The following EIF4G1 variants were observed in gnomAD, a reference collection of about 807,000 sequenced individuals.
EIF4G1 encodes EIF4-gamma.
In EIF4G1, 4 loss-of-function variants were observed where a neutral mutation model predicts 187.8. The ratio of observed to expected loss-of-function variants is 0.02; its 90% CI spans 0.01 to 0.05. The LOEUF (loss-of-function observed/expected upper bound fraction) is 0.05, where lower values mean the gene tolerates loss of function less well. Among genes scored for constraint, EIF4G1 ranks in the 10% least tolerant of loss-of-function variants. The pLI, the probability that EIF4G1 is intolerant of heterozygous loss-of-function variation, is 1.00. For missense variants in EIF4G1, 1,647 were observed against 2,081.1 expected (o/e 0.79, Z 4.06); for synonymous variants, 844 against 781.4 (o/e 1.08, Z -1.34).
chr3:184,321,065 G>A, intron 9 of EIF4G1, 72 bp downstream of exon 9: 2 of 1,571,748 alleles, frequency 1.3e-6, no homozygotes, highest in Non-Finnish European at 8.7e-7. Context: ...AGGTGGTGGA[G>A]TGACTTGAAC....
In EIF4G1 at chr3:184,322,705, G is replaced by A. The variant is rs749044426; in HGVS notation, c.1770G>A (p.Gly590=). ...ACAATGCTGAGAACATCCAGCCCGGGGAACAGAAGTATGAATATAAGTCAG... is the reference window on the plus strand; with the variant it reads ...ACAATGCTGAGAACATCCAGCCCGGAGAACAGAAGTATGAATATAAGTCAG... The part of the protein sequence containing the change: ...KIHNAENIQP[G]EQKYEYKSDQ... Residue 590 remains glycine (G), a synonymous_variant, in exon 12 of 33, where the codon GGG becomes GGA. Coordinates refer to ENST00000346169, the MANE Select transcript of EIF4G1 (RefSeq NM_198241.3). 3.7e-6 allele frequency: 6 copies of A among 1,614,060 alleles called. No homozygotes were observed. In the Admixed American group the frequency reaches 5.0e-5, roughly 13 times the overall value.
chr3:184,322,050 C>T lies in EIF4G1; in HGVS notation c.1466C>T (p.Thr489Ile), dbSNP rs1194227121. The change falls in exon 10 of 33, where the codon ACC (threonine) becomes ATC (isoleucine). Residue 489 changes from threonine (T) to isoleucine (I), a missense_variant. Transcript: ENST00000346169. ...GGEELLPPESTPIPANLSQNL... is the reference protein window; with the variant it reads ...GGEELLPPESIPIPANLSQNL... ...GAGGAACTGCTCCCCCCAGAGAGTACCCCTATTCCAGCCAACTTGTCTCAG... is the reference window on the plus strand; with the variant it reads ...GAGGAACTGCTCCCCCCAGAGAGTATCCCTATTCCAGCCAACTTGTCTCAG... 11 of 1,614,064 alleles carry T rather than the reference C, an allele frequency of 6.8e-6. No homozygotes were observed. Among genetic ancestry groups the T allele is most frequent in the Non-Finnish European group, 8.5e-6 (10 of 1,180,032 alleles).
intron 6 of EIF4G1, among the ~76,000 whole-genome samples, chr3:184,319,467 T>TGTTTG (rs1560209601): frequency 8.9e-5 from 1 of 11,264 alleles, no homozygotes; most frequent in Non-Finnish European, 1.7e-4. Context: ...GTGTGTGTGT[T>TGTTTG]TGTGTGTGTG....
rs777853448 is a variant in EIF4G1, at chr3:184,331,301, C to G, written c.4197C>G (p.Ala1399=). The change falls in exon 29 of 33, where the codon GCC becomes GCG. Residue 1399 remains alanine, a synonymous_variant. Coordinates refer to ENST00000346169, the MANE Select transcript of EIF4G1 (RefSeq NM_198241.3). ...AGGTGGGGACGCTGTGGCGAGAAGC[C>G]GGGCTTAGCTGGAAGGAATTTCTAC... ...PKKVGTLWRE[A]GLSWKEFLPE... 1.2e-6 allele frequency: 2 copies of G among 1,614,156 alleles called. No individual in the cohort carries two copies. Among genetic ancestry groups the G allele is most frequent in the Non-Finnish European group, 1.7e-6 (2 of 1,180,030 alleles).
Position 184,325,746 on chromosome 3 carries a change from C to A in EIF4G1, c.3122-105C>A. Reference sequence around the variant, plus strand: ...CCACGTGTCTGGGCCACTGAGACACCATGATGGAACTGAGGATCTGAGGAA... The same window carrying A: ...CCACGTGTCTGGGCCACTGAGACACAATGATGGAACTGAGGATCTGAGGAA... On this transcript the variant is annotated intron_variant, in intron 20 of 32. Transcript: ENST00000346169. This position sits in a 1 kb window ranked among gnomAD's most constrained non-coding sequence, Gnocchi z 5.2. 1 of 1,608,310 alleles carries A rather than the reference C, an allele frequency of 6.2e-7. No individual in the cohort carries two copies.
chr3:184,323,809 G>A lies in EIF4G1; in HGVS notation c.2304G>A (p.Leu768=), dbSNP rs1320274080. The stretch of plus-strand genomic sequence containing the variant: ...TATTCCGCAGGGTGCGCTCCATCCT[G>A]AATAAACTGACACCCCAGATGTTCC... The part of the protein sequence containing the change: ...QDLFRRVRSI[L]NKLTPQMFQQ... Residue 768 remains leucine, a synonymous_variant, in exon 16 of 33, where the codon CTG becomes CTA. Coordinates refer to ENST00000346169, the MANE Select transcript of EIF4G1 (RefSeq NM_198241.3). This position sits in a 1 kb window ranked among gnomAD's most constrained non-coding sequence, Gnocchi z 6.9. 1 of 1,614,124 alleles carries A rather than the reference G, an allele frequency of 6.2e-7. No homozygotes were observed. Among genetic ancestry groups the A allele is most frequent in the Non-Finnish European group, 8.5e-7 (1 of 1,180,046 alleles).
intron 10 of EIF4G1, 120 bp downstream of exon 10, chr3:184,322,223 AT>A: frequency 1.3e-6 from 2 of 1,561,780 alleles, no homozygotes; most frequent in Admixed American, 3.5e-5. Flanking sequence ...TAAGAACTAG[AT>A]TAAGGACTTT....
At chr3:184,320,421 G>T (rs1431490548) in intron 7 of EIF4G1, 1 of 1,472,936 alleles carries the variant, frequency 6.8e-7, no homozygotes, top group Non-Finnish European at 9.0e-7. Flanking sequence ...GCTGCTCTGT[G>T]AGATCAAGGG....
chr3:184,327,780 C>G lies in EIF4G1; in HGVS notation c.3781-50C>G, dbSNP rs1159249540. 3.1e-6 allele frequency: 5 copies of G among 1,613,884 alleles called. No individual in the cohort carries two copies. The Admixed American group carries it at 6.7e-5, about 22-fold the overall frequency. ...GCTGGCAGGCATAGGGGTCCGGGGTCTGGGTCAGACAGTGACTGGTCTCTT... is the reference window on the plus strand; with the variant it reads ...GCTGGCAGGCATAGGGGTCCGGGGTGTGGGTCAGACAGTGACTGGTCTCTT... On this transcript the variant is annotated intron_variant, in intron 25 of 32. Coordinates refer to ENST00000346169, the MANE Select transcript of EIF4G1 (RefSeq NM_198241.3).
In EIF4G1 at chr3:184,316,871, G is replaced by GT. The variant is rs146339020; in HGVS notation, c.148-449dup. On this transcript the variant is annotated intron_variant, in intron 4 of 32. Transcript: ENST00000346169. ...GTCCAGGTTCTCAGTTGGAGGCCGA[G>GT]TGATGCATGTTAGGGGCTACATCTT... 629 of 900,456 alleles carry GT rather than the reference G, an allele frequency of 7.0e-4. 3 individuals are homozygous for GT. The African/African-American group carries it at 9.8e-3, about 14-fold the overall frequency. The allele number at this position is 900,456 out of a possible 1,614,324, so 55.8% of individuals were successfully genotyped here.
rs755294150 is a variant in EIF4G1, at chr3:184,323,545, G to A, written c.2226G>A (p.Ala742=). Residue 742 remains alanine, a synonymous_variant, in exon 15 of 33, where the codon GCG becomes GCA. Transcript: ENST00000346169. The surrounding 1 kb of genome is among the most constrained non-coding windows in gnomAD (Gnocchi z 6.9). ...GGAAACCCAGCAGCAAGCGGACGGC[G>A]GCTGATAAGGATCGAGGGGAAGAAG... ...KAWKPSSKRT[A]ADKDRGEEDA... is the part of the protein sequence containing the mutation. The A allele has an allele frequency of 6.8e-6, 11 of 1,614,000 alleles. No homozygotes were observed. In the Admixed American group the frequency reaches 1.5e-4, roughly 22 times the overall value.
Position 184,317,211 on chromosome 3 carries a change from T to C in EIF4G1, c.148-110T>C. On this transcript the variant is annotated intron_variant, in intron 4 of 32. Transcript: ENST00000346169. ...GGTCTTGGAAGGATTGGTCGCCATG[T>C]TCTGAAGCCCACAGTACTTCTTTCC... 6.1e-6 allele frequency: 8 copies of C among 1,310,672 alleles called. No individual in the cohort carries two copies. In the Admixed American group the frequency reaches 1.0e-4, roughly 17 times the overall value. The allele number at this position is 1,310,672 out of a possible 1,614,324, so 81.2% of individuals were successfully genotyped here. A position where few individuals can be genotyped will look rare whatever the true frequency, so the allele number is the denominator to read the frequency against.
rs117472335 is a variant in EIF4G1, at chr3:184,334,060, C to T, written c.4619-667C>T. On this transcript the variant is annotated intron_variant, in intron 32 of 32. Coordinates refer to ENST00000346169, the MANE Select transcript of EIF4G1 (RefSeq NM_198241.3). This position sits in a 1 kb window ranked among gnomAD's most constrained non-coding sequence, Gnocchi z 5.8. ...AAGTGTAAGGTTTGGTTTGGAAAGA[C>T]TGGTGGTGCCTTGTGGGCACTGGGG... is the stretch of plus-strand genomic sequence containing the variant. Among the ~76,000 whole-genome samples, 7 of 152,260 alleles carry T rather than the reference C, an allele frequency of 4.6e-5. No homozygotes were observed. In the East Asian group the frequency reaches 1.4e-3, roughly 29 times the overall value.
chr3:184,320,228 C>A, intron 7 of EIF4G1: 1 of 1,201,658 alleles, frequency 8.3e-7, no homozygotes, highest in Non-Finnish European at 1.0e-6. Flanking sequence ...CTGGGGAAGC[C>A]GCTGAGTCAC....
Position 184,326,945 on chromosome 3 carries a change from A to G in EIF4G1, c.3390A>G (p.Val1130=), listed in dbSNP as rs1371970645. 1 of 1,614,240 alleles carries G rather than the reference A, an allele frequency of 6.2e-7. No homozygotes were observed. The highest frequency in any genetic ancestry group is 8.5e-7 in the Non-Finnish European group (1 of 1,180,048). The change falls in exon 23 of 33, where the codon GTA becomes GTG. Residue 1130 remains valine (V), a synonymous_variant. Transcript: ENST00000346169. ...LNRFSALQQA[V]PTESTDNRRV... ...GCTTCTCAGCCCTTCAACAAGCGGT[A>G]CCCACAGAAAGCACAGATAATAGAC...
In EIF4G1 at chr3:184,332,062, G is replaced by C. The variant is rs777565228; in HGVS notation, c.4594G>C (p.Val1532Leu). Residue 1532 changes from valine to leucine, a missense_variant, in exon 32 of 33, where the codon GTA becomes CTA. Around this residue, in one of 11 missense-constraint regions of EIF4G1, gnomAD observed 543 missense variants for 638.0 expected, o/e 0.85. Coordinates refer to ENST00000346169, the MANE Select transcript of EIF4G1 (RefSeq NM_198241.3). ...GGCGCTCTACGCCCTCCAGGCCCTT[G>C]TAGTGACCTTAGAACAGCCTCCCAG... ...LQALYALQALVVTLEQPPNLL... is the reference protein window; with the variant it reads ...LQALYALQALLVTLEQPPNLL... 41 of 1,614,110 alleles carry C rather than the reference G, an allele frequency of 2.5e-5. No homozygotes were observed. Among genetic ancestry groups the C allele is most frequent in the South Asian group, 6.6e-5 (6 of 91,090 alleles).
At chr3:184,317,902 C>T (rs1369717826) in intron 6 of EIF4G1, 86 bp downstream of exon 6, 3 of 1,030,440 alleles carry the variant, frequency 2.9e-6, no homozygotes, top group East Asian at 2.4e-5. Flanking sequence ...GAAGACCCTT[C>T]CCAGGCTTGG....
Position 184,334,610 on chromosome 3 carries a change from A to G in EIF4G1, c.4619-117A>G, listed in dbSNP as rs1392441451. On this transcript the variant is annotated intron_variant, in intron 32 of 32. Coordinates refer to ENST00000346169, the MANE Select transcript of EIF4G1 (RefSeq NM_198241.3). The surrounding 1 kb of genome is among the most constrained non-coding windows in gnomAD (Gnocchi z 5.8). ...GCCTAGTCACTCTGGAATGGCCACA[A>G]ATGTCAGGCTGGTGCATCAGGGCCT... is the stretch of plus-strand genomic sequence containing the variant. The G allele has an allele frequency of 5.6e-6, 7 of 1,249,394 alleles. No individual in the cohort carries two copies. Among genetic ancestry groups the G allele is most frequent in the Non-Finnish European group, 6.9e-6 (6 of 865,622 alleles). 77.4% of individuals were successfully genotyped at this position (1,249,394 alleles called of 1,614,324 possible). A position where few individuals can be genotyped will look rare whatever the true frequency, so the allele number is the denominator to read the frequency against.
In EIF4G1 at chr3:184,323,430, C is replaced by T. The variant is rs141054452; in HGVS notation, c.2111C>T (p.Ser704Phe). 1.9e-6 allele frequency: 3 copies of T among 1,614,116 alleles called. No homozygotes were observed. The highest frequency in any genetic ancestry group is 2.5e-6 in the Non-Finnish European group (3 of 1,180,048). The change falls in exon 15 of 33, where the codon TCT (serine) becomes TTT (phenylalanine). Residue 704 changes from serine to phenylalanine, a missense_variant. Ser to Phe is a radical substitution (Grantham distance 155). Transcript: ENST00000346169. This position sits in a 1 kb window ranked among gnomAD's most constrained non-coding sequence, Gnocchi z 6.9. Reference sequence around the variant, plus strand: ...CAGGCTGGCCTGGGACCCCGGCGCTCTCAGCAGGGACCCCGAAAAGAACCA... The same window carrying T: ...CAGGCTGGCCTGGGACCCCGGCGCTTTCAGCAGGGACCCCGAAAAGAACCA... ...RGPAGLGPRR[S>F]QQGPRKEPRK...
Sources: allele counts gnomAD v4.1 joint callset (sites outside exome capture counted in the v4.1 genomes callset), GRCh38; gene constraint gnomAD v4.1.1; regional missense constraint gnomAD v4.1.1; non-coding constraint Gnocchi (gnomAD v3.1); transcripts MANE v1.5; gene names NCBI Gene and HGNC (gene_info 2026-07-23, HGNC 2026-07-21).